ABCG5: variants seen among roughly 807,000 people sequenced by gnomAD.
The protein encoded by ABCG5 is ATP-binding cassette sub-family G member 5.
ABCG5 carries 64 observed loss-of-function variants against 64.5 expected under a neutral mutation model. That is an observed-to-expected ratio of 0.99 (90% CI 0.81 to 1.22). The LOEUF is 1.22. ABCG5 is among the 50% of genes most tolerant of loss of function. The pLI is 0.00. For missense variants in ABCG5, 908 were observed against 829.5 expected (o/e 1.09, Z -1.16); for synonymous variants, 385 against 326.3 (o/e 1.18, Z -1.94).
chr2:43,829,174 G>A (rs1008781439), intron 4 of ABCG5, among the ~76,000 whole-genome samples: 7 of 152,034 alleles, frequency 4.6e-5, no homozygotes, highest in South Asian at 4.1e-4. Context: ...AAGTGTTTGG[G>A]TTTTGAAATT....
rs776001498 is a variant in ABCG5, at chr2:43,814,532, T to G, written c.1707A>C (p.Lys569Asn). The stretch of plus-strand genomic sequence containing the variant: ...TGACTACAAGAATCTCACTGCAATA[T>G]TTTTGGAATGTAAAATAACTGATGA... ...FKIISYFTFQKYCSEILVVNE... is the reference protein window; with the variant it reads ...FKIISYFTFQNYCSEILVVNE... Residue 569 changes from lysine (K) to asparagine (N), a missense_variant, in exon 12 of 13, where the codon AAA becomes AAC. Coordinates refer to ENST00000405322, the MANE Select transcript of ABCG5 (RefSeq NM_022436.3). 1 of 1,610,054 alleles carries G rather than the reference T, an allele frequency of 6.2e-7. No individual in the cohort carries two copies. The highest frequency in any genetic ancestry group is 1.3e-5 in the African/African-American group (1 of 74,926).
chr2:43,836,061 C>T (rs6712582), intron 2 of ABCG5, among the ~76,000 whole-genome samples: 65,762 of 151,426 alleles, frequency 0.43, 15,138 homozygotes, highest in East Asian at 0.84. Flanking sequence ...CTCAGCCTCC[C>T]GAGTAGCTGG....
Position 43,822,793 on chromosome 2 carries a change from TCACCAGTAG to T in ABCG5, c.1458_1463+3del. 1 of 1,614,006 alleles carries T rather than the reference TCACCAGTAG, an allele frequency of 6.2e-7. No individual in the cohort carries two copies. The highest frequency in any genetic ancestry group is 8.5e-7 in the Non-Finnish European group (1 of 1,179,988). Reference sequence around the variant, plus strand: ...GGCCCTGGGTGAACTGAACAACCCCTCACCAGTAGCACACACTGCTGAAAATCATGGTGG... The same window carrying T: ...GGCCCTGGGTGAACTGAACAACCCCTCACACACTGCTGAAAATCATGGTGG... On this transcript the variant is annotated splice_donor_variant and splice_donor_region_variant and coding_sequence_variant and intron_variant, in exon 10 of 13. Transcript: ENST00000405322. LOFTEE classifies it high-confidence loss of function.
rs1269146502 is a variant in ABCG5 at position 43,817,387 on chromosome 2, A to G, written c.1649+2528T>C. Among the ~76,000 whole-genome samples the G allele has an allele frequency of 2.6e-5, 4 of 152,162 alleles. No homozygotes were observed. In the East Asian group the frequency reaches 7.7e-4, roughly 29 times the overall value. ...GTAATCCCAGCTATTCAGGAGGCTA[A>G]GGCAGGAGAATTGCTTGAACCTGAG... On this transcript the variant is annotated intron_variant, in intron 11 of 12. Coordinates refer to ENST00000405322, the MANE Select transcript of ABCG5 (RefSeq NM_022436.3).
intron 10 of ABCG5, chr2:43,822,519 T>C (rs1667293607): frequency 6.2e-6 from 6 of 970,866 alleles, no homozygotes; most frequent in Non-Finnish European, 7.3e-6. Flanking sequence ...TTCAGAGTCC[T>C]CTCTTCTCTG....
chr2:43,821,895 C>G (rs2104797583), intron 10 of ABCG5, among the ~76,000 whole-genome samples: 1 of 152,116 alleles, frequency 6.6e-6, no homozygotes, highest in South Asian at 2.1e-4. Context: ...TTCCCGCACC[C>G]CATCTTTGAA....
rs530003702 is a variant in ABCG5, at chr2:43,825,267, C to G, written c.775-249G>C. Among the ~76,000 whole-genome samples, 12 of 152,304 alleles carry G rather than the reference C, an allele frequency of 7.9e-5. No homozygotes were observed. The East Asian group carries it at 2.3e-3, about 30-fold the overall frequency. ...GCTACCACTGTGGGTCATGCTGCCTCCCATCCTGACGCCCAGCTTCATATC... is the reference window on the plus strand; with the variant it reads ...GCTACCACTGTGGGTCATGCTGCCTGCCATCCTGACGCCCAGCTTCATATC... On this transcript the variant is annotated intron_variant, in intron 6 of 12. Coordinates refer to ENST00000405322, the MANE Select transcript of ABCG5 (RefSeq NM_022436.3).
At chr2:43,829,108 G>A (rs1377071295) in intron 4 of ABCG5, among the ~76,000 whole-genome samples, 1 of 152,206 alleles carries the variant, frequency 6.6e-6, no homozygotes, top group Non-Finnish European at 1.5e-5. Context: ...CATAGTCACT[G>A]CAGCCCATAC....
At chr2:43,828,965 A>G (rs1667800962) in intron 4 of ABCG5, among the ~76,000 whole-genome samples, 1 of 151,390 alleles carries the variant, frequency 6.6e-6, no homozygotes, top group Non-Finnish European at 1.5e-5. Flanking sequence ...ACTCCGATTC[A>G]AAAAAAATAA....
At chr2:43,822,344 G>A (rs1013067002) in intron 10 of ABCG5, among the ~76,000 whole-genome samples, 1 of 152,078 alleles carries the variant, frequency 6.6e-6, no homozygotes, top group Non-Finnish European at 1.5e-5. Flanking sequence ...CCTCTCTGAT[G>A]CTGCCCAATC....
intron 2 of ABCG5, among the ~76,000 whole-genome samples, chr2:43,833,899 G>A (rs1291124298): frequency 6.6e-6 from 1 of 151,572 alleles, no homozygotes; most frequent in African/African-American, 2.4e-5. Context: ...GGCCAGGCTG[G>A]TCTTGAACTC....
At chr2:43,810,022 G>C, downstream of ABCG5, 1 of 1,000,712 alleles carries the variant, frequency 1.0e-6, no homozygotes, top group Non-Finnish European at 1.3e-6. Flanking sequence ...ATGTTTAAGT[G>C]GTATATACTC....
At position 43,838,279 on chromosome 2, in the gene ABCG5, C is replaced by T. The variant is rs1007483325; in HGVS notation, c.143+258G>A. Reference sequence around the variant, plus strand: ...CCATTCCCATCCACAGAGGGCAGGCCGTAGACACTGGGTTGGCAGGGCACT... The same window carrying T: ...CCATTCCCATCCACAGAGGGCAGGCTGTAGACACTGGGTTGGCAGGGCACT... On this transcript the variant is annotated intron_variant, in intron 1 of 12. Transcript: ENST00000405322. This position sits in a 1 kb window ranked among gnomAD's most constrained non-coding sequence, Gnocchi z 4.2. The T allele has an allele frequency of 3.3e-6, 2 of 597,418 alleles. No individual in the cohort carries two copies. Among genetic ancestry groups the T allele is most frequent in the East Asian group, 5.6e-5 (2 of 35,560 alleles). 37.0% of individuals were successfully genotyped at this position (597,418 alleles called of 1,614,324 possible).
intron 11 of ABCG5, among the ~76,000 whole-genome samples, chr2:43,816,639 GTTCAGGTGATT>G (rs1666850384): frequency 6.6e-6 from 1 of 152,130 alleles, no homozygotes; most frequent in African/African-American, 2.4e-5. Context: ...CGCCTCCCAG[GTTCAGGTGATT>G]CTCCTGCCTC....
At chr2:43,807,847 C>T (rs1229461215), downstream of ABCG5, among the ~76,000 whole-genome samples, 4 of 149,870 alleles carry the variant, frequency 2.7e-5, no homozygotes, top group Admixed American at 2.7e-4. Flanking sequence ...TACTTGCTAT[C>T]CCTTTAAAAC....
At position 43,813,131 on chromosome 2, in the gene ABCG5, AT is replaced by A; in HGVS notation, c.1940del (p.His647LeufsTer22). ...ATGGCTTTCACTACCTGCTAATGAG[AT>A]GATCCCTTATTTTGAAAACAACTAT... ...LGIVVFKIRD[H>X]LISR is the part of the protein sequence containing the mutation. On this transcript the variant is annotated frameshift_variant, in exon 13 of 13. Coordinates refer to ENST00000405322, the MANE Select transcript of ABCG5 (RefSeq NM_022436.3). LOFTEE classifies it high-confidence loss of function. 1 of 1,289,500 alleles carries A rather than the reference AT, an allele frequency of 7.8e-7. No individual in the cohort carries two copies. Among genetic ancestry groups the A allele is most frequent in the Non-Finnish European group, 1.1e-6 (1 of 884,268 alleles). 79.9% of individuals were successfully genotyped at this position (1,289,500 alleles called of 1,614,324 possible).
At chr2:43,822,466 CCCCTCCCCCAGG>C in intron 10 of ABCG5, 3 of 767,720 alleles carry the variant, frequency 3.9e-6, no homozygotes, top group Non-Finnish European at 4.6e-6. Context: ...GCTGCTTTCT[CCCCTCCCCCAGG>C]CCCCCCCCCA....
At chr2:43,814,397 A>G (rs1006291004) in intron 12 of ABCG5, 80 bp downstream of exon 12, 3 of 912,450 alleles carry the variant, frequency 3.3e-6, no homozygotes, top group Admixed American at 2.1e-5. Context: ...CACAGTTTTT[A>G]TTTCAAAAAT....
chr2:43,839,080 A>T (rs984534218), upstream of ABCG5: 2 of 1,550,972 alleles, frequency 1.3e-6, no homozygotes, highest in Admixed American at 3.9e-5. Flanking sequence ...CAGAGGAGAG[A>T]GGGCTGCCGA....
Sources: allele counts gnomAD v4.1 joint callset (sites outside exome capture counted in the v4.1 genomes callset), GRCh38; gene constraint gnomAD v4.1.1; non-coding constraint Gnocchi (gnomAD v3.1); transcripts MANE v1.5; gene names NCBI Gene and HGNC (gene_info 2026-07-23, HGNC 2026-07-21).